Variants in DOCK3 observed in about 807,000 individuals in gnomAD.
The protein encoded by DOCK3 is dedicator of cytokinesis 3, also known as dedicator of cytokinesis protein 3.
Under a neutral mutation model 265.6 loss-of-function variants are expected in DOCK3, and 60 were observed. The observed-to-expected ratio is 0.23, with a 90% CI of 0.18 to 0.28. The LOEUF is 0.28. Ranked by LOEUF, DOCK3 falls within the 10% of genes least tolerant of loss-of-function variation. DOCK3 has a pLI of 1.00. For missense variants in DOCK3, 1,981 were observed against 2,594.3 expected (o/e 0.76, Z 5.14); for synonymous variants, 881 against 938.0 (o/e 0.94, Z 1.11).
intron 33 of DOCK3, among the ~76,000 whole-genome samples, chr3:51,332,716 G>T (rs2084607459): frequency 6.6e-6 from 1 of 152,160 alleles, no homozygotes; most frequent in African/African-American, 2.4e-5. Context: ...GCTTGGTGAG[G>T]ATGGCTCTGG....
rs2088779974 is a variant in DOCK3 at position 51,383,337 on chromosome 3, C to G, written c.*1778C>G. On this transcript the variant is annotated 3_prime_UTR_variant, in exon 53 of 53. Transcript: ENST00000266037. ...GCGGAAGGCTGCTGAGGATATGGGT[C>G]AGTTACAGCAGCCCTCACCTCAAAG... 1 of 152,586 alleles carries G rather than the reference C, an allele frequency of 6.6e-6. No individual in the cohort carries two copies. The highest frequency in any genetic ancestry group is 1.5e-5 in the Non-Finnish European group (1 of 68,062). The allele number at this position is 152,586 out of a possible 1,614,324, so 9.5% of individuals were successfully genotyped here. A position where few individuals can be genotyped will look rare whatever the true frequency, so the allele number is the denominator to read the frequency against.
intron 5 of DOCK3, among the ~76,000 whole-genome samples, chr3:50,949,321 C>G (rs1388235144): frequency 1.3e-5 from 2 of 151,956 alleles, no homozygotes; most frequent in East Asian, 3.9e-4. Flanking sequence ...AACAAAACAA[C>G]CCAACAAAAG....
At position 51,206,660 on chromosome 3, in the gene DOCK3, GT is replaced by G. The variant is rs11300449; in HGVS notation, c.1038-2113del. ...TTCAATGTAAAAGAGATCTGAAGAG[GT>G]CAGAGAGGACCCTGATGAGACTGCC... On this transcript the variant is annotated intron_variant, in intron 12 of 52. Transcript: ENST00000266037. Among the ~76,000 whole-genome samples the G allele has an allele frequency of 4.4e-3, 673 of 152,216 alleles. 5 individuals carry two copies. Among genetic ancestry groups the G allele is most frequent in the African/African-American group, 0.015 (629 of 41,526 alleles).
At chr3:51,326,731 C>T (rs1287312132) in intron 32 of DOCK3, among the ~76,000 whole-genome samples, 1 of 151,912 alleles carries the variant, frequency 6.6e-6, no homozygotes, top group African/African-American at 2.4e-5. Flanking sequence ...AAGCAATTCT[C>T]CTGCCTCAGC....
intron 5 of DOCK3, among the ~76,000 whole-genome samples, chr3:51,021,693 G>A (rs918303588): frequency 6.9e-6 from 1 of 145,956 alleles, no homozygotes; most frequent in Non-Finnish European, 1.5e-5. Context: ...ACGGAGTCTC[G>A]CACTGTCACC....
At chr3:51,253,117 T>G (rs2079350567) in intron 22 of DOCK3, among the ~76,000 whole-genome samples, 1 of 152,270 alleles carries the variant, frequency 6.6e-6, no homozygotes, top group African/African-American at 2.4e-5. Flanking sequence ...TCTATTGAGA[T>G]AATCATGTGG....
intron 1 of DOCK3, among the ~76,000 whole-genome samples, chr3:50,756,047 T>C (rs775059564): frequency 2.0e-5 from 3 of 152,184 alleles, no homozygotes; most frequent in Non-Finnish European, 2.9e-5. Flanking sequence ...CATTCAGCCC[T>C]GGACTTGAGG....
intron 37 of DOCK3, among the ~76,000 whole-genome samples, 175 bp from the exon 38 acceptor site, chr3:51,341,062 G>T (rs1022228820): frequency 6.6e-6 from 1 of 152,220 alleles, no homozygotes; most frequent in Non-Finnish European, 1.5e-5. Context: ...TGTGGACAAG[G>T]GTTATTGGCT....
At chr3:51,281,968 C>T (rs1214523298) in intron 27 of DOCK3, among the ~76,000 whole-genome samples, 1 of 152,168 alleles carries the variant, frequency 6.6e-6, no homozygotes, top group African/African-American at 2.4e-5. Flanking sequence ...GGAAAGGGTG[C>T]ACTCGCCAGC....
At chr3:51,062,876 G>T (rs749643080) in intron 5 of DOCK3, among the ~76,000 whole-genome samples, 2 of 152,174 alleles carry the variant, frequency 1.3e-5, no homozygotes, top group Admixed American at 6.5e-5. Context: ...TAATCGTCAA[G>T]ATTCCAATTT....
At chr3:51,064,336 C>T in intron 5 of DOCK3, 112 bp from the exon 6 acceptor site, 1 of 1,362,540 alleles carries the variant, frequency 7.3e-7, no homozygotes, top group South Asian at 1.4e-5. Context: ...TTTATATTAC[C>T]TTAGTAGTTC....
chr3:50,807,009 T>C (rs977812928), intron 2 of DOCK3, among the ~76,000 whole-genome samples: 1 of 152,116 alleles, frequency 6.6e-6, no homozygotes, highest in Admixed American at 6.5e-5. Flanking sequence ...AAGTCCCTCC[T>C]GTCTCTGGGC....
chr3:50,793,321 G>A (rs898057893), intron 2 of DOCK3, among the ~76,000 whole-genome samples: 4 of 149,860 alleles, frequency 2.7e-5, no homozygotes, highest in Non-Finnish European at 4.4e-5. Context: ...AGTCTAGCTA[G>A]CCATCTATCT....
chr3:51,305,698 C>T (rs1400483271), intron 27 of DOCK3, among the ~76,000 whole-genome samples: 1 of 133,442 alleles, frequency 7.5e-6, no homozygotes, highest in Non-Finnish European at 1.6e-5. Flanking sequence ...CATTTTAATT[C>T]CCTCAGTGTG....
At chr3:51,204,842 A>G (rs1481333622) in intron 12 of DOCK3, among the ~76,000 whole-genome samples, 1 of 152,110 alleles carries the variant, frequency 6.6e-6, no homozygotes, top group Non-Finnish European at 1.5e-5. Context: ...AGCCATAAAA[A>G]AGGATGAGTT....
At chr3:50,691,915 G>GTTTTT (rs568668591) in intron 1 of DOCK3, among the ~76,000 whole-genome samples, 2 of 135,268 alleles carry the variant, frequency 1.5e-5, no homozygotes, top group Non-Finnish European at 1.6e-5. Context: ...AATCTAAAAA[G>GTTTTT]TTTTTTTTTT....
chr3:51,365,483 T>C lies in DOCK3; in HGVS notation c.5293+2809T>C, dbSNP rs1345039090. Among the ~76,000 whole-genome samples the C allele has an allele frequency of 5.3e-5, 8 of 152,196 alleles. No homozygotes were observed. The East Asian group carries it at 1.5e-3, about 29-fold the overall frequency. ...CCTAATTGAATACCCTTTATTTCTTTCTCCTGCCTGATTGCCCTGGCCAGA... is the reference window on the plus strand; with the variant it reads ...CCTAATTGAATACCCTTTATTTCTTCCTCCTGCCTGATTGCCCTGGCCAGA... On this transcript the variant is annotated intron_variant, in intron 49 of 52. Coordinates refer to ENST00000266037, the MANE Select transcript of DOCK3 (RefSeq NM_004947.5).
chr3:50,970,891 T>TTATATA (rs55749209), intron 5 of DOCK3, among the ~76,000 whole-genome samples: 22 of 12,108 alleles, frequency 1.8e-3, no homozygotes, highest in Non-Finnish European at 2.5e-3. Flanking sequence ...CATCTAATTT[T>TTATATA]TATATATATA....
intron 5 of DOCK3, among the ~76,000 whole-genome samples, chr3:50,999,392 A>G (rs1420009027): frequency 6.6e-6 from 1 of 152,182 alleles, no homozygotes; most frequent in Non-Finnish European, 1.5e-5. Flanking sequence ...CTCAAAGGAG[A>G]CAACACCCAG....
Sources: allele counts gnomAD v4.1 joint callset (sites outside exome capture counted in the v4.1 genomes callset), GRCh38; gene constraint gnomAD v4.1.1; transcripts MANE v1.5; gene names NCBI Gene and HGNC (gene_info 2026-07-23, HGNC 2026-07-21).